The following ITSN2 variants were observed in gnomAD, a reference collection of about 807,000 sequenced individuals.
The protein encoded by ITSN2 is intersectin-2.
A neutral mutation model predicts 243.7 loss-of-function variants in ITSN2; 156 were observed. The ratio of observed to expected loss-of-function variants is 0.64; its 90% confidence interval spans 0.56 to 0.73. The LOEUF (loss-of-function observed/expected upper bound fraction) is 0.73, where lower values mean the gene tolerates loss of function less well. ITSN2 is among the 30% of genes least tolerant of loss of function. ITSN2 has a pLI of 0.00. For synonymous variants in ITSN2, 703 were observed against 699.9 expected (o/e 1.00, Z -0.07); for missense variants, 1,801 against 1,996.1 (o/e 0.90, Z 1.86).
intron 2 of ITSN2, among the ~76,000 whole-genome samples, chr2:24,321,540 A>G (rs1194158486): frequency 6.6e-6 from 1 of 152,246 alleles, no homozygotes; most frequent in Non-Finnish European, 1.5e-5. Flanking sequence ...AAAATAAAGA[A>G]ACAGATGTAC....
chr2:24,322,381 T>C (rs923012174), intron 2 of ITSN2, among the ~76,000 whole-genome samples: 4 of 152,196 alleles, frequency 2.6e-5, no homozygotes, highest in African/African-American at 9.7e-5. Flanking sequence ...CTACTCAGGC[T>C]TAATTAAGAG....
intron 15 of ITSN2, among the ~76,000 whole-genome samples, chr2:24,291,446 C>T (rs962532974): frequency 4.6e-5 from 7 of 151,700 alleles, no homozygotes; most frequent in East Asian, 1.9e-4. Context: ...GAATCTTTCA[C>T]GTCTATTAGC....
chr2:24,314,271 C>T (rs960102808), intron 3 of ITSN2, among the ~76,000 whole-genome samples: 2 of 152,216 alleles, frequency 1.3e-5, no homozygotes, highest in African/African-American at 4.8e-5. Flanking sequence ...GTCTTCCACC[C>T]GTAATGGACA....
At chr2:24,313,082 CTTTTTTTT>C (rs11442221) in intron 4 of ITSN2, among the ~76,000 whole-genome samples, 1 of 134,000 alleles carries the variant, frequency 7.5e-6, no homozygotes, top group Non-Finnish European at 1.6e-5. Context: ...GAAGAAATAC[CTTTTTTTT>C]TTTTTTTTTT....
chr2:24,243,671 A>G (rs1258232551), intron 29 of ITSN2, among the ~76,000 whole-genome samples: 2 of 152,036 alleles, frequency 1.3e-5, no homozygotes, highest in East Asian at 1.9e-4. Context: ...GTCTCCCTAT[A>G]TTGACGATCA....
At chr2:24,210,631 AAAAG>A (rs1558428169) in intron 34 of ITSN2, 145 bp downstream of exon 34, 222 of 631,278 alleles carry the variant, frequency 3.5e-4, no homozygotes, top group Non-Finnish European at 3.8e-4. Flanking sequence ...AAAAAAAAAA[AAAAG>A]AAAAAAAAAT....
intron 15 of ITSN2, among the ~76,000 whole-genome samples, chr2:24,289,256 T>C (rs1003895177): frequency 1.3e-5 from 2 of 152,232 alleles, no homozygotes; most frequent in African/African-American, 4.8e-5. Context: ...ACATGGAGTA[T>C]CTTTCCATTT....
At chr2:24,251,940 G>A (rs1359247324) in intron 25 of ITSN2, among the ~76,000 whole-genome samples, 1 of 152,112 alleles carries the variant, frequency 6.6e-6, no homozygotes, top group African/African-American at 2.4e-5. Context: ...TACTGGTGGT[G>A]GATGAAATGA....
chr2:24,264,941 A>C (rs2151421454), intron 20 of ITSN2, among the ~76,000 whole-genome samples: 3 of 152,134 alleles, frequency 2.0e-5, no homozygotes, highest in Middle Eastern at 6.8e-3. Flanking sequence ...AAAAAAAAAA[A>C]ACAAAGCCTG....
intron 30 of ITSN2, among the ~76,000 whole-genome samples, chr2:24,218,698 G>T (rs1379877014): frequency 6.6e-6 from 1 of 152,108 alleles, no homozygotes; most frequent in Non-Finnish European, 1.5e-5. Context: ...AGAAATAAAG[G>T]CTTAGAGGGA....
At chr2:24,203,905 C>G (rs1668569582) in intron 39 of ITSN2, 122 bp from the exon 40 acceptor site, 2 of 1,074,344 alleles carry the variant, frequency 1.9e-6, no homozygotes, top group Non-Finnish European at 2.7e-6. Flanking sequence ...TCTTTTGGCT[C>G]ATGGCTGTTG....
chr2:24,205,166 C>T (rs1668736360), intron 38 of ITSN2, 48 bp downstream of exon 38: 1 of 1,518,368 alleles, frequency 6.6e-7, no homozygotes, highest in Admixed American at 1.7e-5. Flanking sequence ...TCAGCAAAAA[C>T]TGGGGCAGGG....
At chr2:24,324,305 C>A (rs2702043) in intron 2 of ITSN2, among the ~76,000 whole-genome samples, 148,925 of 152,116 alleles carry the variant, frequency 0.98, 72,903 homozygotes, top group East Asian at 0.99. Flanking sequence ...GGTATATATA[C>A]CCCCGGGCAG....
intron 29 of ITSN2, chr2:24,239,612 C>G (rs74563925): frequency 6.6e-6 from 1 of 152,054 alleles, no homozygotes; most frequent in Non-Finnish European, 1.5e-5. Context: ...TTACCTCCTA[C>G]AGAAATTCAA....
At chr2:24,321,050 TG>T (rs1330331460) in intron 2 of ITSN2, among the ~76,000 whole-genome samples, 2 of 152,208 alleles carry the variant, frequency 1.3e-5, no homozygotes, top group African/African-American at 4.8e-5. Context: ...GAGGAACCCT[TG>T]GGAGACAATT....
chr2:24,281,573 C>A (rs982746443), intron 17 of ITSN2, among the ~76,000 whole-genome samples: 2 of 152,184 alleles, frequency 1.3e-5, no homozygotes, highest in African/African-American at 4.8e-5. Context: ...GTGCTTATAC[C>A]TAAACAGCTG....
At chr2:24,214,129 T>C (rs897237249) in intron 32 of ITSN2, among the ~76,000 whole-genome samples, 46 of 152,370 alleles carry the variant, frequency 3.0e-4, no homozygotes, top group African/African-American at 1.1e-3. Flanking sequence ...TAGTATGCTA[T>C]AGCCTCCTGA....
chr2:24,306,995 G>A (rs546306124), intron 8 of ITSN2, among the ~76,000 whole-genome samples: 14 of 152,100 alleles, frequency 9.2e-5, no homozygotes, highest in African/African-American at 2.2e-4. Flanking sequence ...TAGTAGAGAC[G>A]GGGTTTCACC....
At chr2:24,245,243 T>A (rs1289208327) in intron 29 of ITSN2, among the ~76,000 whole-genome samples, 1 of 152,178 alleles carries the variant, frequency 6.6e-6, no homozygotes, top group African/African-American at 2.4e-5. Flanking sequence ...ATCTGGACCC[T>A]TGTTCTGAAA....
Sources: allele counts gnomAD v4.1 joint callset (sites outside exome capture counted in the v4.1 genomes callset), GRCh38; gene constraint gnomAD v4.1.1; transcripts MANE v1.5; gene names NCBI Gene and HGNC (gene_info 2026-07-23, HGNC 2026-07-21).